The following FCRL5 variants were observed in gnomAD, a reference collection of about 807,000 sequenced individuals.
FCRL5 encodes Fc receptor-like protein 5.
In FCRL5, 79 loss-of-function variants were observed where a neutral mutation model predicts 92.1. The observed-to-expected ratio is 0.86, with a 90% CI of 0.72 to 1.03. The LOEUF is 1.03. FCRL5 is among the 50% of genes least tolerant of loss of function. The pLI is 0.00. For synonymous variants in FCRL5, 466 were observed against 469.3 expected (o/e 0.99, Z 0.09); for missense variants, 1,160 against 1,181.1 (o/e 0.98, Z 0.26).
At chr1:157,539,732 A>G (rs1345644843) in intron 6 of FCRL5, among the ~76,000 whole-genome samples, 8 of 152,226 alleles carry the variant, frequency 5.3e-5, no homozygotes, top group Non-Finnish European at 1.2e-4. Context: ...ACAGGAGACA[A>G]ATGCATATCT....
At chr1:157,536,224 G>C (rs1650966047) in intron 7 of FCRL5, among the ~76,000 whole-genome samples, 1 of 152,110 alleles carries the variant, frequency 6.6e-6, no homozygotes, top group South Asian at 2.1e-4. Flanking sequence ...TTACAGGCAT[G>C]AGCCACCTCT....
intron 2 of FCRL5, among the ~76,000 whole-genome samples, chr1:157,547,684 A>T (rs1651622322): frequency 6.6e-6 from 1 of 152,228 alleles, no homozygotes; most frequent in South Asian, 2.1e-4. Flanking sequence ...GCCCAGAAGA[A>T]TCCCATCACA....
chr1:157,518,706 T>G lies in FCRL5; in HGVS notation c.2737A>C (p.Thr913Pro). The part of the protein sequence containing the change: ...PAWEELQPVY[T>P]NANPRGENVV... ...CAGGATCCTCGGGCCTCACCATTAG[T>G]GTACACTGGTTGCAGCTCTTCCCAG... is the stretch of plus-strand genomic sequence containing the variant. The change falls in exon 14 of 17, where the codon ACT becomes CCT. Residue 913 changes from threonine to proline, a missense_variant. Physicochemically the swap from Thr to Pro is conservative, Grantham distance 38. Transcript: ENST00000361835. 1 of 1,612,526 alleles carries G rather than the reference T, an allele frequency of 6.2e-7. No homozygotes were observed. The highest frequency in any genetic ancestry group is 8.5e-7 in the Non-Finnish European group (1 of 1,179,532).
intron 3 of FCRL5, among the ~76,000 whole-genome samples, chr1:157,545,533 T>TG (rs1227321217): frequency 7.0e-6 from 1 of 142,620 alleles, no homozygotes; most frequent in African/African-American, 2.7e-5. Flanking sequence ...TTTTTTTTTT[T>TG]TTTTTTTTTT....
chr1:157,519,880 T>C, intron 12 of FCRL5, 110 bp from the exon 13 acceptor site: 2 of 1,137,144 alleles, frequency 1.8e-6, no homozygotes, highest in Middle Eastern at 2.4e-4. Context: ...TCACTGAAGG[T>C]TGAATCCTTC....
At position 157,524,405 on chromosome 1, in the gene FCRL5, C is replaced by T. The variant is rs1171737723; in HGVS notation, c.2113G>A (p.Ala705Thr). The T allele has an allele frequency of 1.9e-6, 3 of 1,614,208 alleles. No individual in the cohort carries two copies. The highest frequency in any genetic ancestry group is 2.5e-6 in the Non-Finnish European group (3 of 1,180,030). ...AAGGAGGCCCCTCCTCCAGAGGGGG[C>T]TGAGATCTTACCCAGGGTGACATCT... ...HEDVTLGKIS[A>T]PSGGGASFNL... The change falls in exon 10 of 17, where the codon GCC becomes ACC. Residue 705 changes from alanine to threonine, a missense_variant. Physicochemically the swap from Ala to Thr is moderately conservative, Grantham distance 58. Transcript: ENST00000361835.
At chr1:157,543,292 C>T (rs1009095544) in intron 5 of FCRL5, among the ~76,000 whole-genome samples, 155 bp from the exon 6 acceptor site, 5 of 152,262 alleles carry the variant, frequency 3.3e-5, no homozygotes, top group Non-Finnish European at 5.9e-5. Flanking sequence ...TTGCTCCTTC[C>T]TTCTGCCCTA....
chr1:157,524,436 A>G lies in FCRL5; in HGVS notation c.2082T>C (p.Tyr694=), dbSNP rs1273698815. The change falls in exon 10 of 17, where the codon TAT becomes TAC. Residue 694 remains tyrosine, a synonymous_variant. Coordinates refer to ENST00000361835, the MANE Select transcript of FCRL5 (RefSeq NM_031281.3). ...RGSSPILYWF[Y]HEDVTLGKIS... is the part of the protein sequence containing the mutation. ...TCTTACCCAGGGTGACATCTTCATG[A>G]TAAAACCAGTACAGGATTGGGGAGG... The G allele has an allele frequency of 1.2e-6, 2 of 1,614,210 alleles. No homozygotes were observed. The highest frequency in any genetic ancestry group is 1.7e-5 in the Admixed American group (1 of 60,024).
In FCRL5 at chr1:157,534,653, C is replaced by T. The variant is rs763294007; in HGVS notation, c.1642G>A (p.Gly548Ser). 1.2e-5 allele frequency: 20 copies of T among 1,614,140 alleles called. No individual in the cohort carries two copies. Among genetic ancestry groups the T allele is most frequent in the Non-Finnish European group, 1.7e-5 (20 of 1,180,030 alleles). The part of the protein sequence containing the change: ...NYYCTADNGF[G>S]PQRSEVVSLF... ...CTCACCACTTCACTGCGCTGGGGAC[C>T]AAAGCCATTGTCAGCTGTGCAGTAG... The change falls in exon 8 of 17, where the codon GGT becomes AGT. Residue 548 changes from glycine to serine, a missense_variant. Gly to Ser is a moderately conservative substitution (Grantham distance 56). Coordinates refer to ENST00000361835, the MANE Select transcript of FCRL5 (RefSeq NM_031281.3).
chr1:157,546,348 C>T (rs1273904171), intron 3 of FCRL5: 16 of 384,468 alleles, frequency 4.2e-5, no homozygotes, highest in East Asian at 7.9e-5. Flanking sequence ...CTAGGGATAC[C>T]GAGGTGGGAG....
chr1:157,531,455 A>G (rs1018651859), intron 8 of FCRL5, among the ~76,000 whole-genome samples: 4 of 152,172 alleles, frequency 2.6e-5, no homozygotes, highest in Admixed American at 6.5e-5. Flanking sequence ...TTATCTATCA[A>G]TTTCACTGCT....
chr1:157,548,409 G>A (rs1177299606), intron 2 of FCRL5, among the ~76,000 whole-genome samples: 1 of 151,518 alleles, frequency 6.6e-6, no homozygotes, highest in East Asian at 1.9e-4. Flanking sequence ...AAAAGCAATG[G>A]CAACAAAAGC....
rs1474663104 is a variant in FCRL5, at chr1:157,518,303, A to C, written c.2812+126T>G. 8 of 741,932 alleles carry C rather than the reference A, an allele frequency of 1.1e-5. No individual in the cohort carries two copies. The African/African-American group carries it at 1.4e-4, about 13-fold the overall frequency. The allele number at this position is 741,932 out of a possible 1,614,324, so 46.0% of individuals were successfully genotyped here. On this transcript the variant is annotated intron_variant, in intron 15 of 16. Transcript: ENST00000361835. ...GAAGCAGCATAGGCACACATAAAGA[A>C]GCCCCATGACCCAGTGGGAGGGGCG... is the stretch of plus-strand genomic sequence containing the variant.
At position 157,527,802 on chromosome 1, in the gene FCRL5, C is replaced by A. The variant is rs778591421; in HGVS notation, c.1775G>T (p.Gly592Val). The change falls in exon 9 of 17, where the codon GGC becomes GTC. Residue 592 changes from glycine (G) to valine (V), a missense_variant. Coordinates refer to ENST00000361835, the MANE Select transcript of FCRL5 (RefSeq NM_031281.3). ...AAACCAGTACAGGATTGGGGGAGAG[C>A]CTCTCGGGGCCTCACAGTGAAGCTC... ...LLELHCEAPR[G>V]SPPILYWFYH... is the part of the protein sequence containing the mutation. 2.0e-5 allele frequency: 33 copies of A among 1,613,518 alleles called. No homozygotes were observed. The highest frequency in any genetic ancestry group is 3.3e-5 in the Admixed American group (2 of 59,984).
intron 9 of FCRL5, among the ~76,000 whole-genome samples, chr1:157,527,184 G>C (rs952795076): frequency 6.6e-6 from 1 of 152,308 alleles, no homozygotes; most frequent in African/African-American, 2.4e-5. Flanking sequence ...TGGGACAGGG[G>C]CAGGAGAGGC....
At chr1:157,518,582 T>C in intron 14 of FCRL5, 85 bp from the exon 15 acceptor site, 1 of 1,480,248 alleles carries the variant, frequency 6.8e-7, no homozygotes, top group Non-Finnish European at 9.4e-7. Flanking sequence ...CCAGAGTCTC[T>C]TTTCTGGAAG....
At position 157,535,357 on chromosome 1, in the gene FCRL5, G is replaced by C. The variant is rs180807480; in HGVS notation, c.1403-465C>G. 5.0e-3 allele frequency among the ~76,000 whole-genome samples: 763 copies of C among 152,282 alleles called. 6 individuals are homozygous for C. Among genetic ancestry groups the C allele is most frequent in the South Asian group, 8.9e-3 (43 of 4,826 alleles). On this transcript the variant is annotated intron_variant, in intron 7 of 16. Transcript: ENST00000361835. ...AGACATAAAGTCCTTACCTCTTTTG[G>C]CTTCTTCCAAACTACATTTTGGTGT...
At chr1:157,518,389 G>C in intron 15 of FCRL5, 40 bp downstream of exon 15, 1 of 1,555,784 alleles carries the variant, frequency 6.4e-7, no homozygotes, top group East Asian at 2.2e-5. Flanking sequence ...TACTGTCTAA[G>C]TTGAGGGTGG....
Position 157,524,468 on chromosome 1 carries a change from T to C in FCRL5, c.2050A>G (p.Arg684Gly). The C allele has an allele frequency of 6.2e-7, 1 of 1,614,198 alleles. No homozygotes were observed. Among genetic ancestry groups the C allele is most frequent in the South Asian group, 1.1e-5 (1 of 91,078 alleles). ...DLLELHCEAL[R>G]GSSPILYWFY... Reference sequence around the variant, plus strand: ...CAGTACAGGATTGGGGAGGAGCCTCTCAGGGCCTCACAGTGAAGCTCCAGC... The same window carrying C: ...CAGTACAGGATTGGGGAGGAGCCTCCCAGGGCCTCACAGTGAAGCTCCAGC... The change falls in exon 10 of 17, where the codon AGA becomes GGA. Residue 684 changes from arginine (R) to glycine (G), a missense_variant. Physicochemically the swap from Arg to Gly is moderately radical, Grantham distance 125 (BLOSUM62 -2). Coordinates refer to ENST00000361835, the MANE Select transcript of FCRL5 (RefSeq NM_031281.3).
Sources: gnomAD v4.1 joint callset for allele counts (sites outside exome capture counted in the v4.1 genomes callset) on GRCh38, gnomAD v4.1.1 for gene constraint, MANE v1.5 for transcripts, NCBI Gene and HGNC (gene_info 2026-07-23, HGNC 2026-07-21) for gene names.